TCN2: variants seen among roughly 807,000 people sequenced by gnomAD.
The protein encoded by TCN2 is transcobalamin 2.
A neutral mutation model predicts 48.6 loss-of-function variants in TCN2; 34 were observed. The ratio of observed to expected loss-of-function variants is 0.70; its 90% CI spans 0.53 to 0.93. TCN2 has a LOEUF of 0.93. Ranked by LOEUF, TCN2 falls within the 40% of genes least tolerant of loss-of-function variation. The pLI is 0.00. For missense variants in TCN2, 652 were observed against 526.1 expected, an observed-to-expected ratio of 1.24 and a Z score of -2.34; for synonymous variants, 283 against 212.5, an observed-to-expected ratio of 1.33 and a Z score of -2.89.
Position 30,623,777 on chromosome 22 carries a change from TATATATGTATAC to T in TCN2, c.1222+701_1222+712del, listed in dbSNP as rs2087739578. Among the ~76,000 whole-genome samples, 5 of 13,114 alleles carry T rather than the reference TATATATGTATAC, an allele frequency of 3.8e-4. 2 individuals carry two copies. In the African/African-American group the frequency reaches 5.0e-3, roughly 13 times the overall value. The allele number at this position is 13,114 out of a possible 152,430, so 8.6% of individuals were successfully genotyped here. Reference sequence around the variant, plus strand: ...ATATATGTATATATATATACACACATATATATGTATACATATATACACACATACACATATATA... The same window carrying T: ...ATATATGTATATATATATACACACATATATATACACACATACACATATATA... On this transcript the variant is annotated intron_variant, in intron 8 of 8. Coordinates refer to ENST00000215838, the MANE Select transcript of TCN2 (RefSeq NM_000355.4).
rs1569046578 is a variant in TCN2 at position 30,623,837 on chromosome 22, C to CACACACATAT, written c.1222+763_1222+764insTACACACATA. ...ATACACACACATACACACACATATACACACACATACATACACATACATACA... is the reference window on the plus strand; with the variant it reads ...ATACACACACATACACACACATATACACACACATATACACACATACATACACATACATACA... On this transcript the variant is annotated intron_variant, in intron 8 of 8. Coordinates refer to ENST00000215838, the MANE Select transcript of TCN2 (RefSeq NM_000355.4). Among the ~76,000 whole-genome samples, 8 of 29,492 alleles carry CACACACATAT rather than the reference C, an allele frequency of 2.7e-4. 2 individuals carry two copies. The highest frequency in any genetic ancestry group is 1.2e-3 in the African/African-American group (4 of 3,448). The allele number at this position is 29,492 out of a possible 152,430, so 19.3% of individuals were successfully genotyped here.
intron 8 of TCN2, among the ~76,000 whole-genome samples, chr22:30,626,023 A>G (rs1385592928): frequency 6.6e-6 from 1 of 152,182 alleles, no homozygotes; most frequent in Non-Finnish European, 1.5e-5. Flanking sequence ...ACACTCACTC[A>G]GAGGTTAAAT....
intron 8 of TCN2, among the ~76,000 whole-genome samples, chr22:30,624,080 A>ATTTTTT (rs201040176): frequency 2.4e-5 from 1 of 41,348 alleles, no homozygotes; most frequent in African/African-American, 2.3e-4. Flanking sequence ...ATATATATAT[A>ATTTTTT]TTTTTTTTTT....
intron 1 of TCN2, chr22:30,610,307 G>A (rs1191847757): frequency 2.1e-6 from 1 of 470,870 alleles, no homozygotes; most frequent in Admixed American, 2.4e-5. Flanking sequence ...TCACCAGCTG[G>A]AAGTTTGCGT....
At chr22:30,609,290 A>C (rs2087500168) in intron 1 of TCN2, among the ~76,000 whole-genome samples, 1 of 151,534 alleles carries the variant, frequency 6.6e-6, no homozygotes, top group South Asian at 2.1e-4. Context: ...GGCGTGAGCC[A>C]CTCTGTCTGG....
intron 1 of TCN2, among the ~76,000 whole-genome samples, chr22:30,608,506 G>A (rs1407055776): frequency 6.6e-6 from 1 of 151,288 alleles, no homozygotes; most frequent in African/African-American, 2.4e-5. Context: ...CCCCACCTCA[G>A]CCTCCCAAGT....
chr22:30,626,436 T>G lies in TCN2; in HGVS notation c.1223-24T>G, dbSNP rs767839655. The G allele has an allele frequency of 3.7e-6, 6 of 1,613,926 alleles. 1 individual carries two copies. The South Asian group carries it at 4.4e-5, about 12-fold the overall frequency. On this transcript the variant is annotated intron_variant, in intron 8 of 8. Transcript: ENST00000215838. ...TGCGATATTCTGCCCAATTCGCCCC[T>G]CCTTGCTCAATCTGTTTCTGCAGGT...
At chr22:30,615,197 C>T (rs987108777) in intron 4 of TCN2, 104 bp from the exon 5 acceptor site, 11 of 1,256,680 alleles carry the variant, frequency 8.8e-6, no homozygotes, top group Middle Eastern at 3.9e-4. Context: ...TCTCCAAGCC[C>T]TCCTGTGGTT....
chr22:30,611,333 C>T (rs1016634377), intron 2 of TCN2, among the ~76,000 whole-genome samples: 1 of 152,206 alleles, frequency 6.6e-6, no homozygotes, highest in Non-Finnish European at 1.5e-5. Flanking sequence ...TGATGATGAG[C>T]CCAGGAGCAG....
chr22:30,615,941 T>C (rs758694344), intron 6 of TCN2, among the ~76,000 whole-genome samples, 154 bp downstream of exon 6: 1 of 152,122 alleles, frequency 6.6e-6, no homozygotes, highest in African/African-American at 2.4e-5. Flanking sequence ...GGTCATAGCT[T>C]CTAGAAGCTC....
intron 6 of TCN2, among the ~76,000 whole-genome samples, chr22:30,616,761 A>T (rs2087618145): frequency 6.6e-6 from 1 of 152,186 alleles, no homozygotes. Context: ...AGATCGCGCC[A>T]TTGCACTTCA....
At chr22:30,624,061 CAT>C (rs754547042) in intron 8 of TCN2, among the ~76,000 whole-genome samples, 1,262 of 13,924 alleles carry the variant, frequency 0.091, 407 homozygotes, top group Non-Finnish European at 0.11. Flanking sequence ...CACACACACA[CAT>C]ATATATATAT....
At chr22:30,614,848 G>A (rs1292227953) in intron 4 of TCN2, among the ~76,000 whole-genome samples, 1 of 152,226 alleles carries the variant, frequency 6.6e-6, no homozygotes, top group African/African-American at 2.4e-5. Context: ...GGCGGAGGCT[G>A]CAGTGAGTGG....
chr22:30,619,727 G>T (rs2087669279), intron 7 of TCN2, among the ~76,000 whole-genome samples: 1 of 152,148 alleles, frequency 6.6e-6, no homozygotes, highest in South Asian at 2.1e-4. Flanking sequence ...GGTTCCTTCG[G>T]GTCCTCTAGG....
intron 6 of TCN2, 120 bp from the exon 7 acceptor site, chr22:30,617,210 G>A (rs916608464): frequency 1.5e-6 from 2 of 1,371,970 alleles, no homozygotes; most frequent in African/African-American, 1.4e-5. Context: ...CGGTGGCATT[G>A]ATGGAGATGA....
intron 8 of TCN2, among the ~76,000 whole-genome samples, chr22:30,625,493 T>G (rs1220732381): frequency 6.6e-6 from 1 of 152,056 alleles, no homozygotes; most frequent in Non-Finnish European, 1.5e-5. Context: ...GATGGGGGTC[T>G]CACTCTGTCA....
Position 30,623,965 on chromosome 22 carries a change from C to CATATGTAT in TCN2, c.1222+883_1222+884insTATGTATA, listed in dbSNP as rs2087758551. Among the ~76,000 whole-genome samples the CATATGTAT allele has an allele frequency of 8.6e-4, 16 of 18,552 alleles. 4 individuals are homozygous for CATATGTAT. The highest frequency in any genetic ancestry group is 1.5e-3 in the Non-Finnish European group (16 of 10,574). The allele number at this position is 18,552 out of a possible 152,430, so 12.2% of individuals were successfully genotyped here. Reference sequence around the variant, plus strand: ...ACACACACATATGTATACATATATACACACACATATATATGTATACATATA... The same window carrying CATATGTAT: ...ACACACACATATGTATACATATATACATATGTATACACACATATATATGTATACATATA... On this transcript the variant is annotated intron_variant, in intron 8 of 8. Coordinates refer to ENST00000215838, the MANE Select transcript of TCN2 (RefSeq NM_000355.4).
At chr22:30,617,201 G>A (rs1357973460) in intron 6 of TCN2, 129 bp from the exon 7 acceptor site, 48 of 1,246,962 alleles carry the variant, frequency 3.8e-5, no homozygotes, top group South Asian at 1.0e-4. Context: ...AGCAGGTGGC[G>A]GTGGCATTGA....
chr22:30,620,520 C>T (rs1160391502), intron 7 of TCN2, among the ~76,000 whole-genome samples: 1 of 152,248 alleles, frequency 6.6e-6, no homozygotes, highest in Admixed American at 6.5e-5. Flanking sequence ...CCGTTTCCTT[C>T]CTGTGGCCTA....
Sources: allele counts gnomAD v4.1 joint callset (sites outside exome capture counted in the v4.1 genomes callset), GRCh38; gene constraint gnomAD v4.1.1; transcripts MANE v1.5; gene names NCBI Gene and HGNC (gene_info 2026-07-23, HGNC 2026-07-21).